Variants in PTPRD observed in about 807,000 individuals in gnomAD.
PTPRD encodes the protein receptor-type tyrosine-protein phosphatase delta.
In PTPRD, 34 loss-of-function variants were observed where a neutral mutation model predicts 214.5. The ratio of observed to expected loss-of-function variants is 0.16; its 90% CI spans 0.12 to 0.21. The LOEUF (loss-of-function observed/expected upper bound fraction) is 0.21, where lower values mean the gene tolerates loss of function less well. Among genes scored for constraint, PTPRD ranks in the 10% least tolerant of loss-of-function variants. The pLI, the probability that PTPRD is intolerant of heterozygous loss-of-function variation, is 1.00. For synonymous variants in PTPRD, 1,128 were observed against 845.7 expected (o/e 1.33, Z -5.79); for missense variants, 2,545 against 2,398.7 (o/e 1.06, Z -1.27).
At chr9:8,340,787 T>C (rs1190213756) in intron 41 of PTPRD, among the ~76,000 whole-genome samples, 1 of 152,168 alleles carries the variant, frequency 6.6e-6, no homozygotes, top group African/African-American at 2.4e-5. Flanking sequence ...CTTCATTTTC[T>C]AGAAATTATT....
At chr9:9,602,811 A>C (rs1459711502) in intron 7 of PTPRD, among the ~76,000 whole-genome samples, 3 of 152,114 alleles carry the variant, frequency 2.0e-5, no homozygotes, top group Admixed American at 6.6e-5. Context: ...AATGAGGCCT[A>C]CGATGCCAGT....
At chr9:8,888,529 C>T (rs1417726292) in intron 11 of PTPRD, among the ~76,000 whole-genome samples, 1 of 152,192 alleles carries the variant, frequency 6.6e-6, no homozygotes, top group Non-Finnish European at 1.5e-5. Flanking sequence ...CATTGTCTCC[C>T]TCGTGTGAAA....
chr9:8,902,837 G>A (rs1462744549), intron 11 of PTPRD, among the ~76,000 whole-genome samples: 1 of 152,138 alleles, frequency 6.6e-6, no homozygotes, highest in East Asian at 1.9e-4. Flanking sequence ...TACAATTTCA[G>A]TCTTCAAAAT....
intron 11 of PTPRD, among the ~76,000 whole-genome samples, chr9:8,819,003 G>T (rs539149632): frequency 1.3e-5 from 2 of 152,212 alleles, no homozygotes; most frequent in South Asian, 2.1e-4. Context: ...TCGACTACTG[G>T]GTTAAATACA....
At chr9:9,932,133 A>G (rs1409532306) in intron 5 of PTPRD, among the ~76,000 whole-genome samples, 5 of 148,636 alleles carry the variant, frequency 3.4e-5, no homozygotes, top group Non-Finnish European at 5.9e-5. Context: ...GGGAAAAAAC[A>G]GAACAGAAAA....
chr9:10,421,633 A>G (rs2098546705), intron 2 of PTPRD, among the ~76,000 whole-genome samples: 1 of 151,904 alleles, frequency 6.6e-6, no homozygotes, highest in Non-Finnish European at 1.5e-5. Context: ...TGCATACCAT[A>G]TATCAAAAAG....
At chr9:10,470,507 T>C (rs572034020) in intron 2 of PTPRD, among the ~76,000 whole-genome samples, 2 of 152,288 alleles carry the variant, frequency 1.3e-5, no homozygotes, top group African/African-American at 2.4e-5. Flanking sequence ...AATGAAAGTA[T>C]GAAGACTTCC....
At chr9:8,879,867 G>C (rs1386736476) in intron 11 of PTPRD, among the ~76,000 whole-genome samples, 4 of 152,136 alleles carry the variant, frequency 2.6e-5, no homozygotes, top group Non-Finnish European at 4.4e-5. Flanking sequence ...CCCCACACGT[G>C]TTTCTAGGTA....
chr9:8,697,970 T>G (rs1264021067), intron 12 of PTPRD, among the ~76,000 whole-genome samples: 2 of 152,222 alleles, frequency 1.3e-5, no homozygotes, highest in Admixed American at 1.3e-4. Context: ...TGGGAGGCTC[T>G]AAACTTCTGA....
At chr9:9,675,538 T>C (rs539446726) in intron 7 of PTPRD, among the ~76,000 whole-genome samples, 1 of 151,854 alleles carries the variant, frequency 6.6e-6, no homozygotes, top group Non-Finnish European at 1.5e-5. Context: ...TACTTAGTAC[T>C]GCATTTTTAT....
chr9:8,383,803 G>A (rs1282799023), intron 37 of PTPRD, among the ~76,000 whole-genome samples: 1 of 152,160 alleles, frequency 6.6e-6, no homozygotes, highest in Non-Finnish European at 1.5e-5. Context: ...TATAAAGCTT[G>A]CAAGACAAGA....
chr9:9,047,744 A>G (rs1402260780), intron 10 of PTPRD, among the ~76,000 whole-genome samples: 1 of 152,146 alleles, frequency 6.6e-6, no homozygotes, highest in Non-Finnish European at 1.5e-5. Context: ...TATGAAAATC[A>G]TGACTTAAAT....
At chr9:10,598,666 A>ATG (rs750404681) in intron 2 of PTPRD, among the ~76,000 whole-genome samples, 1,226 of 98,210 alleles carry the variant, frequency 0.012, 18 homozygotes, top group Non-Finnish European at 0.016. Context: ...AACCATTTTT[A>ATG]TATATGTATG....
chr9:10,415,305 TAC>T (rs934665845), intron 2 of PTPRD, among the ~76,000 whole-genome samples: 7 of 151,594 alleles, frequency 4.6e-5, no homozygotes, highest in African/African-American at 1.5e-4. Context: ...GAATGTCTTA[TAC>T]ACACACACAC....
intron 5 of PTPRD, among the ~76,000 whole-genome samples, chr9:9,880,470 T>G (rs905025710): frequency 1.3e-5 from 2 of 152,226 alleles, no homozygotes; most frequent in Non-Finnish European, 2.9e-5. Context: ...ATTATCACTG[T>G]GTATAATTCT....
chr9:9,519,628 A>G (rs1477565491), intron 8 of PTPRD, among the ~76,000 whole-genome samples: 2 of 152,048 alleles, frequency 1.3e-5, no homozygotes, highest in Non-Finnish European at 2.9e-5. Context: ...ATACCAAACT[A>G]AAGAATAAGC....
rs193000761 is a variant in PTPRD at position 8,571,186 on chromosome 9, A to G, written c.353-42407T>C. ...CAAGTTATGCTTTGTTGTCATTAGC[A>G]AACTTCTCTTTTAACACTTTCCTAC... On this transcript the variant is annotated intron_variant, in intron 14 of 45. Coordinates refer to ENST00000381196, the MANE Select transcript of PTPRD (RefSeq NM_002839.4). Among the ~76,000 whole-genome samples, 814 of 152,204 alleles carry G rather than the reference A, an allele frequency of 5.3e-3. 5 individuals are homozygous for G. Among genetic ancestry groups the G allele is most frequent in the Non-Finnish European group, 9.3e-3 (630 of 68,010 alleles).
intron 9 of PTPRD, among the ~76,000 whole-genome samples, chr9:9,353,474 G>A (rs1429574759): frequency 6.6e-6 from 1 of 151,830 alleles, no homozygotes; most frequent in Non-Finnish European, 1.5e-5. Flanking sequence ...GTAATTATTA[G>A]AAGGGCTGGG....
intron 14 of PTPRD, among the ~76,000 whole-genome samples, chr9:8,573,020 C>G (rs78776508): frequency 6.6e-6 from 1 of 151,994 alleles, no homozygotes; most frequent in East Asian, 1.9e-4. Context: ...CATAGCAACT[C>G]CTATGCTACA....
Sources: gnomAD v4.1 joint callset for allele counts (sites outside exome capture counted in the v4.1 genomes callset) on GRCh38, gnomAD v4.1.1 for gene constraint, MANE v1.5 for transcripts, NCBI Gene and HGNC (gene_info 2026-07-23, HGNC 2026-07-21) for gene names.